Variants in NCOR2 observed in about 807,000 individuals in gnomAD.
NCOR2 encodes the protein nuclear receptor corepressor 2.
A neutral mutation model predicts 262.9 loss-of-function variants in NCOR2; 81 were observed. The observed-to-expected ratio is 0.31, with a 90% confidence interval of 0.26 to 0.37. The LOEUF is 0.37. NCOR2 is among the 10% of genes least tolerant of loss of function. The pLI, the probability that NCOR2 is intolerant of heterozygous loss-of-function variation, is 1.00. For synonymous variants in NCOR2, 1,659 were observed against 1,559.3 expected (o/e 1.06, Z -1.51); for missense variants, 3,385 against 3,621.4 (o/e 0.93, Z 1.68).
Position 124,443,292 on chromosome 12 carries a change from T to A in NCOR2, c.816-5296A>T, listed in dbSNP as rs769027091. 6.6e-5 allele frequency among the ~76,000 whole-genome samples: 10 copies of A among 152,140 alleles called. No individual in the cohort carries two copies. Among genetic ancestry groups the A allele is most frequent in the Non-Finnish European group, 1.2e-4 (8 of 68,020 alleles). The stretch of plus-strand genomic sequence containing the variant: ...CTGTTTGCCACCGATGGGCAGCAAC[T>A]GAGGGTGTGAATCCACCCTGGCTGA... On this transcript the variant is annotated intron_variant, in intron 7 of 46. Coordinates refer to ENST00000405201, the Ensembl canonical transcript of NCOR2. This position sits in a 1 kb window ranked among gnomAD's most constrained non-coding sequence, Gnocchi z 4.4.
chr12:124,533,165 C>T (rs1231779424), intron 1 of NCOR2, among the ~76,000 whole-genome samples: 1 of 151,286 alleles, frequency 6.6e-6, no homozygotes, highest in Non-Finnish European at 1.5e-5. Flanking sequence ...CAAGGCCCAG[C>T]CCCAGGAAGC....
At chr12:124,362,971 A>AT (rs1593222201) in intron 21 of NCOR2, among the ~76,000 whole-genome samples, 1 of 152,214 alleles carries the variant, frequency 6.6e-6, no homozygotes, top group East Asian at 1.9e-4. Context: ...GGGGGAGCCC[A>AT]CCTCCCAAAA....
exon 47 of NCOR2, chr12:124,324,446 C>T (rs963831753): frequency 1.3e-5 from 2 of 152,198 alleles, no homozygotes; most frequent in South Asian, 2.1e-4. Context: ...ATTAGAACGA[C>T]GTGTGTAAAT....
chr12:124,501,690 C>T (rs112739144), intron 1 of NCOR2, among the ~76,000 whole-genome samples: 4,383 of 152,292 alleles, frequency 0.029, 149 homozygotes, highest in African/African-American at 0.08. Flanking sequence ...CCTCCCCTAT[C>T]CGGTTGTGAC....
rs1415762647 is a variant in NCOR2 at position 124,364,517 on chromosome 12, C to T, written c.2808-718G>A. On this transcript the variant is annotated intron_variant, in intron 20 of 46. Coordinates refer to ENST00000405201, the Ensembl canonical transcript of NCOR2. Reference sequence around the variant, plus strand: ...CCACTGTCTACTCATTAGCCACAGTCGCAGTCCCTTCCTCTGTCTGCTACT... The same window carrying T: ...CCACTGTCTACTCATTAGCCACAGTTGCAGTCCCTTCCTCTGTCTGCTACT... Among the ~76,000 whole-genome samples, 13 of 152,340 alleles carry T rather than the reference C, an allele frequency of 8.5e-5. 1 individual carries two copies. Among genetic ancestry groups the T allele is most frequent in the Admixed American group, 6.5e-4 (10 of 15,312 alleles).
intron 22 of NCOR2, among the ~76,000 whole-genome samples, chr12:124,358,173 T>C (rs1248665843): frequency 6.8e-6 from 1 of 147,972 alleles, no homozygotes; most frequent in Non-Finnish European, 1.5e-5. Context: ...GTACACAATG[T>C]TGAAGGAGAT....
rs200016013 is a variant in NCOR2, at chr12:124,372,135, G to A, written c.2694C>T (p.Gly898=). ...TGGCTGTGGTGGCCCTGCCGCTCCC[G>A]CCCTCCTTCTTCTCTGCCTTGAGCG... The change falls in exon 20 of 47, where the codon GGC becomes GGT. Residue 898 remains glycine, a synonymous_variant. Coordinates refer to ENST00000405201, the Ensembl canonical transcript of NCOR2. 4.0e-5 allele frequency: 64 copies of A among 1,601,312 alleles called. No individual in the cohort carries two copies. Among genetic ancestry groups the A allele is most frequent in the South Asian group, 1.1e-4 (10 of 90,968 alleles).
intron 17 of NCOR2, among the ~76,000 whole-genome samples, chr12:124,383,026 TTGAATGAATGGATGAA>T (rs976960501): frequency 2.0e-5 from 3 of 151,544 alleles, no homozygotes; most frequent in Middle Eastern, 6.9e-3. Context: ...GGATGCCTCT[TTGAATGAATGGATGAA>T]TGAATGAATG....
intron 10 of NCOR2, 51 bp from the exon 13 acceptor site, chr12:124,426,851 G>A (rs1042269529): frequency 3.3e-6 from 5 of 1,494,368 alleles, no homozygotes; most frequent in Non-Finnish European, 4.5e-6. Flanking sequence ...AGGTGCTCCG[G>A]CCGGCGCAGG....
intron 7 of NCOR2, among the ~76,000 whole-genome samples, chr12:124,444,111 C>T (rs2044994955): frequency 6.6e-6 from 1 of 152,128 alleles, no homozygotes; most frequent in Non-Finnish European, 1.5e-5. Flanking sequence ...CTCTGGCAAA[C>T]GTTTTTTTAA....
chr12:124,470,430 A>G (rs2046773591), intron 4 of NCOR2, among the ~76,000 whole-genome samples: 1 of 152,256 alleles, frequency 6.6e-6, no homozygotes, highest in Non-Finnish European at 1.5e-5. Flanking sequence ...CACTATTCAC[A>G]ACAGCCACAG....
chr12:124,414,406 C>A (rs1360892656), intron 13 of NCOR2, among the ~76,000 whole-genome samples: 1 of 152,226 alleles, frequency 6.6e-6, no homozygotes, highest in Admixed American at 6.5e-5. Flanking sequence ...GTCATCATCA[C>A]CATCATCGCC....
chr12:124,375,447 C>T lies in NCOR2; in HGVS notation c.2168-984G>A, dbSNP rs1183014049. On this transcript the variant is annotated intron_variant, in intron 18 of 46. Coordinates refer to ENST00000405201, the Ensembl canonical transcript of NCOR2. ...GCACTATGCCCCGAGGTTTCTGATT[C>T]AGTACGTGTGGACTGGGGCCCAAGA... 9.2e-5 allele frequency among the ~76,000 whole-genome samples: 14 copies of T among 152,338 alleles called. No homozygotes were observed. In the East Asian group the frequency reaches 2.7e-3, roughly 29 times the overall value.
intron 13 of NCOR2, among the ~76,000 whole-genome samples, chr12:124,411,533 C>T (rs1216716688): frequency 3.3e-5 from 5 of 152,202 alleles, no homozygotes; most frequent in South Asian, 2.1e-4. Flanking sequence ...CCCATCGCTG[C>T]GGGAAGGCCA....
At position 124,342,073 on chromosome 12, in the gene NCOR2, G is replaced by A. The variant is rs200456671; in HGVS notation, c.4938C>T (p.Ala1646=). 164 of 1,606,346 alleles carry A rather than the reference G, an allele frequency of 1.0e-4. No homozygotes were observed. The African/African-American group carries it at 1.1e-3, about 11-fold the overall frequency. Reference sequence around the variant, plus strand: ...GGTGTCGGGGCAGGTAGTAGGCAGCGGCTGCGGGGCAGAGGGGAGCTCATG... The same window carrying A: ...GGTGTCGGGGCAGGTAGTAGGCAGCAGCTGCGGGGCAGAGGGGAGCTCATG... The change falls in exon 34 of 47, where the codon GCC becomes GCT. Residue 1646 remains alanine, a splice_region_variant and synonymous_variant. Coordinates refer to ENST00000405201, the Ensembl canonical transcript of NCOR2.
chr12:124,561,345 C>T (rs762935037), intron 1 of NCOR2, among the ~76,000 whole-genome samples: 14 of 152,146 alleles, frequency 9.2e-5, no homozygotes, highest in South Asian at 6.2e-4. Context: ...TTTCATCCCC[C>T]GGTTGTGGCA....
rs751432913 is a variant in NCOR2, at chr12:124,443,137, G to A, written c.816-5141C>T. ...ATTTTCAGCTGCCCGGTTCACGGCCGAGTGTTAAGGCAGCGCTGAGAAGCT... is the reference window on the plus strand; with the variant it reads ...ATTTTCAGCTGCCCGGTTCACGGCCAAGTGTTAAGGCAGCGCTGAGAAGCT... On this transcript the variant is annotated intron_variant, in intron 7 of 46. Transcript: ENST00000405201. The surrounding 1 kb of genome is among the most constrained non-coding windows in gnomAD (Gnocchi z 4.4). Among the ~76,000 whole-genome samples, 7 of 152,252 alleles carry A rather than the reference G, an allele frequency of 4.6e-5. No homozygotes were observed. Among genetic ancestry groups the A allele is most frequent in the Non-Finnish European group, 7.3e-5 (5 of 68,046 alleles).
chr12:124,329,355 GGAGGCT>G (rs2034981282), intron 44 of NCOR2, among the ~76,000 whole-genome samples: 1 of 152,182 alleles, frequency 6.6e-6, no homozygotes, highest in African/African-American at 2.4e-5. Flanking sequence ...CCGCTACTTG[GGAGGCT>G]GAGGTGGAAG....
At chr12:124,528,627 C>A (rs2050608892) in intron 1 of NCOR2, among the ~76,000 whole-genome samples, 1 of 152,220 alleles carries the variant, frequency 6.6e-6, no homozygotes, top group African/African-American at 2.4e-5. Flanking sequence ...ATCCGGAAGG[C>A]ACAGCGTCTC....
Sources: allele counts gnomAD v4.1 joint callset (sites outside exome capture counted in the v4.1 genomes callset), GRCh38; gene constraint gnomAD v4.1.1; non-coding constraint Gnocchi (gnomAD v3.1); transcripts MANE v1.5; gene names NCBI Gene and HGNC (gene_info 2026-07-23, HGNC 2026-07-21).